Variants in METTL16 observed in about 807,000 individuals in gnomAD.
The protein encoded by METTL16 is RNA N(6)-adenosine-methyltransferase METTL16.
Under a neutral mutation model 57.9 loss-of-function variants are expected in METTL16, and 19 were observed. The ratio of observed to expected loss-of-function variants is 0.33; its 90% CI spans 0.23 to 0.48. METTL16 has a LOEUF of 0.48. Among genes scored for constraint, METTL16 ranks in the 20% least tolerant of loss-of-function variants. The pLI is 0.99. For missense variants in METTL16, 434 were observed against 691.5 expected (o/e 0.63, Z 4.18); for synonymous variants, 246 against 255.6 (o/e 0.96, Z 0.36).
At chr17:2,491,280 T>G (rs895360602) in intron 2 of METTL16, among the ~76,000 whole-genome samples, 4 of 152,310 alleles carry the variant, frequency 2.6e-5, no homozygotes, top group African/African-American at 9.6e-5. Flanking sequence ...CTTCCCAAAA[T>G]AGCCTATTGT....
intron 1 of METTL16, among the ~76,000 whole-genome samples, chr17:2,506,438 G>A (rs573533965): frequency 4.0e-5 from 6 of 151,864 alleles, no homozygotes; most frequent in Non-Finnish European, 7.4e-5. Context: ...GGCGCACGCC[G>A]CCACGCCTGA....
At chr17:2,487,835 C>G (rs1156434019) in intron 2 of METTL16, among the ~76,000 whole-genome samples, 1 of 151,604 alleles carries the variant, frequency 6.6e-6, no homozygotes, top group African/African-American at 2.4e-5. Context: ...GAGACCCTGT[C>G]TCTACAAAAA....
intron 6 of METTL16, among the ~76,000 whole-genome samples, 194 bp downstream of exon 6, chr17:2,464,014 T>C (rs1176043308): frequency 1.3e-5 from 2 of 151,770 alleles, no homozygotes; most frequent in African/African-American, 4.8e-5. Context: ...TCCCAGCTAC[T>C]TGGGAGGCTG....
At chr17:2,467,574 G>C (rs537945207) in intron 5 of METTL16, among the ~76,000 whole-genome samples, 187 bp downstream of exon 5, 2 of 152,134 alleles carry the variant, frequency 1.3e-5, no homozygotes, top group African/African-American at 2.4e-5. Context: ...TACAGGCATG[G>C]GCCATGACGC....
chr17:2,464,281 T>C lies in METTL16; in HGVS notation c.655A>G (p.Met219Val), dbSNP rs1423908251. 1.9e-6 allele frequency: 3 copies of C among 1,613,990 alleles called. No individual in the cohort carries two copies. The highest frequency in any genetic ancestry group is 4.5e-5 in the East Asian group (2 of 44,892). The stretch of plus-strand genomic sequence containing the variant: ...AACTCTAATTCACCTCCTTCTGCCA[T>C]GATCTCTGTGATGCCTCCTGTATTA... ...SVNTGGITEIMAEGGELEFVK... is the reference protein window; with the variant it reads ...SVNTGGITEIVAEGGELEFVK... The change falls in exon 6 of 10, where the codon ATG becomes GTG. Residue 219 changes from methionine (M) to valine (V), a missense_variant. By Grantham distance (21) the Met-to-Val change is conservative. Transcript: ENST00000263092.
At position 2,419,106 on chromosome 17, in the gene METTL16, C is replaced by T. The variant is rs1044315268; in HGVS notation, c.*864G>A. 3.6e-4 allele frequency: 56 copies of T among 156,046 alleles called. No homozygotes were observed. Among genetic ancestry groups the T allele is most frequent in the Non-Finnish European group, 4.3e-5 (3 of 70,542 alleles). The allele number at this position is 156,046 out of a possible 1,614,324, so 9.7% of individuals were successfully genotyped here. On this transcript the variant is annotated 3_prime_UTR_variant, in exon 10 of 10. Coordinates refer to ENST00000263092, the MANE Select transcript of METTL16 (RefSeq NM_024086.4). Reference sequence around the variant, plus strand: ...GCACATACTATTTTGTTCTATTTCTCATTTCTATCATCAGCCGCTCACTCA... The same window carrying T: ...GCACATACTATTTTGTTCTATTTCTTATTTCTATCATCAGCCGCTCACTCA...
At chr17:2,496,147 CA>C (rs969927170) in intron 2 of METTL16, among the ~76,000 whole-genome samples, 2 of 148,708 alleles carry the variant, frequency 1.3e-5, no homozygotes, top group Non-Finnish European at 3.0e-5. Flanking sequence ...CAAAACAAAA[CA>C]AAAAAAAAGA....
chr17:2,426,086 T>C (rs1024826952), intron 8 of METTL16, among the ~76,000 whole-genome samples: 2 of 149,996 alleles, frequency 1.3e-5, no homozygotes, highest in Non-Finnish European at 2.9e-5. Flanking sequence ...CTCTCTAGTA[T>C]TTGCAGGAAG....
Position 2,496,989 on chromosome 17 carries a change from G to A in METTL16, c.128+5215C>T, listed in dbSNP as rs373755742. Among the ~76,000 whole-genome samples, 27 of 151,530 alleles carry A rather than the reference G, an allele frequency of 1.8e-4. 1 individual carries two copies. The highest frequency in any genetic ancestry group is 6.2e-4 in the South Asian group (3 of 4,822). ...TCATGCCACTTATGTATGGCATATC[G>A]TTTTGTTGTTGTTGTTTTTCTTTTT... is the stretch of plus-strand genomic sequence containing the variant. On this transcript the variant is annotated intron_variant, in intron 2 of 9. Transcript: ENST00000263092.
chr17:2,447,983 C>T (rs1368757007), intron 6 of METTL16, among the ~76,000 whole-genome samples: 5 of 108,638 alleles, frequency 4.6e-5, no homozygotes, highest in East Asian at 5.9e-4. Context: ...CCAGCCGCCC[C>T]GTCCGGGAGG....
At chr17:2,472,049 G>A (rs1023048295) in intron 4 of METTL16, among the ~76,000 whole-genome samples, 1 of 151,734 alleles carries the variant, frequency 6.6e-6, no homozygotes, top group African/African-American at 2.4e-5. Context: ...AGGAGGCAGA[G>A]GTTGCAGTGA....
At chr17:2,495,813 T>C (rs550479440) in intron 2 of METTL16, among the ~76,000 whole-genome samples, 18 of 146,258 alleles carry the variant, frequency 1.2e-4, no homozygotes, top group Non-Finnish European at 2.7e-4. Context: ...GAACTAGAAT[T>C]AAAAGTGAAG....
chr17:2,510,587 T>TA (rs2067580343), intron 1 of METTL16, among the ~76,000 whole-genome samples: 2 of 152,324 alleles, frequency 1.3e-5, no homozygotes, highest in African/African-American at 4.8e-5. Flanking sequence ...ACTTCTTTTC[T>TA]AACTAACCTC....
intron 8 of METTL16, among the ~76,000 whole-genome samples, chr17:2,423,316 C>T (rs140642928): frequency 1.5e-3 from 215 of 144,280 alleles, no homozygotes; most frequent in African/African-American, 4.9e-3. Flanking sequence ...GAAGAACCTG[C>T]TCTTGAGAAA....
chr17:2,442,852 T>C (rs898375903), intron 6 of METTL16, among the ~76,000 whole-genome samples: 1 of 151,542 alleles, frequency 6.6e-6, no homozygotes, highest in Non-Finnish European at 1.5e-5. Flanking sequence ...TTTTTTGAGA[T>C]AGTCTTGTTC....
At chr17:2,447,233 G>A (rs1159306269) in intron 6 of METTL16, among the ~76,000 whole-genome samples, 19 of 147,486 alleles carry the variant, frequency 1.3e-4, no homozygotes, top group Admixed American at 6.7e-4. Flanking sequence ...CTGACCCGCC[G>A]CCCTGTCTGG....
At chr17:2,449,400 G>T (rs1041449690) in intron 6 of METTL16, among the ~76,000 whole-genome samples, 2 of 152,114 alleles carry the variant, frequency 1.3e-5, no homozygotes, top group Non-Finnish European at 2.9e-5. Context: ...TAAAGACAGG[G>T]TATGCCTATG....
At chr17:2,466,471 AG>A (rs1188756917) in intron 5 of METTL16, among the ~76,000 whole-genome samples, 4 of 152,188 alleles carry the variant, frequency 2.6e-5, no homozygotes, top group Non-Finnish European at 5.9e-5. Context: ...ACCTTAATCA[AG>A]TCATTATGAA....
At chr17:2,444,552 A>T (rs1263395190) in intron 6 of METTL16, among the ~76,000 whole-genome samples, 1 of 152,172 alleles carries the variant, frequency 6.6e-6, no homozygotes, top group Non-Finnish European at 1.5e-5. Flanking sequence ...AGTTTTAAAA[A>T]ATAAAGTGTA....
Sources: gnomAD v4.1 joint callset for allele counts (sites outside exome capture counted in the v4.1 genomes callset) on GRCh38, gnomAD v4.1.1 for gene constraint, MANE v1.5 for transcripts, NCBI Gene and HGNC (gene_info 2026-07-23, HGNC 2026-07-21) for gene names.